IGF1R: variants seen among roughly 807,000 people sequenced by gnomAD.
The protein encoded by IGF1R is insulin-like growth factor 1 receptor.
A neutral mutation model predicts 144.6 loss-of-function variants in IGF1R; 44 were observed. That is an observed-to-expected ratio of 0.30 (90% CI 0.24 to 0.39). IGF1R has a LOEUF of 0.39. Among genes scored for constraint, IGF1R ranks in the 10% least tolerant of loss-of-function variants. The pLI is 1.00. For synonymous variants in IGF1R, 795 were observed against 722.8 expected, an observed-to-expected ratio of 1.10 and a Z score of -1.60; for missense variants, 1,355 against 1,833.7, an observed-to-expected ratio of 0.74 and a Z score of 4.77.
At chr15:98,678,454 G>A (rs1241325300) in intron 1 of IGF1R, among the ~76,000 whole-genome samples, 1 of 151,332 alleles carries the variant, frequency 6.6e-6, no homozygotes, top group East Asian at 1.9e-4. Flanking sequence ...TCCTTTGAAG[G>A]TTTGGAACAA....
chr15:98,920,478 A>T (rs908090144), intron 10 of IGF1R, among the ~76,000 whole-genome samples: 1 of 152,250 alleles, frequency 6.6e-6, no homozygotes, highest in Non-Finnish European at 1.5e-5. Flanking sequence ...CATCAAACCT[A>T]AGCAACTTCT....
chr15:98,818,729 G>T (rs2056746832), intron 2 of IGF1R, among the ~76,000 whole-genome samples: 1 of 151,932 alleles, frequency 6.6e-6, no homozygotes, highest in African/African-American at 2.4e-5. Flanking sequence ...CCTGCTAGAT[G>T]CCAGAAGCCC....
At chr15:98,919,630 T>TC (rs2015403876) in intron 10 of IGF1R, among the ~76,000 whole-genome samples, 1 of 152,228 alleles carries the variant, frequency 6.6e-6, no homozygotes, top group Non-Finnish European at 1.5e-5. Context: ...TGTTTATCTG[T>TC]CCCCCGAGTC....
chr15:98,649,238 C>T lies in IGF1R; in HGVS notation c.-344C>T, dbSNP rs1030932730. 1 of 218,574 alleles carries T rather than the reference C, an allele frequency of 4.6e-6. No individual in the cohort carries two copies. Among genetic ancestry groups the T allele is most frequent in the South Asian group, 1.8e-4 (1 of 5,436 alleles). The allele number at this position is 218,574 out of a possible 1,614,324, so 13.5% of individuals were successfully genotyped here. A position where few individuals can be genotyped will look rare whatever the true frequency, so the allele number is the denominator to read the frequency against. On this transcript the variant is annotated 5_prime_UTR_variant, in exon 1 of 21. Transcript: ENST00000650285. ...CCTAGGCAGATTTGGGCTTTGCCCC[C>T]TTTCTTTGCAGTTTTCCCCCCTTCC...
At chr15:98,930,763 T>C (rs2015909359) in intron 15 of IGF1R, among the ~76,000 whole-genome samples, 1 of 152,216 alleles carries the variant, frequency 6.6e-6, no homozygotes. Flanking sequence ...GGAATTTTTC[T>C]GTCATTCCCT....
In IGF1R at chr15:98,957,706, A is replaced by C; in HGVS notation, c.*264A>C. The C allele has an allele frequency of 1.8e-6, 1 of 554,752 alleles. No individual in the cohort carries two copies. Among genetic ancestry groups the C allele is most frequent in the Non-Finnish European group, 3.2e-6 (1 of 309,382 alleles). The allele number at this position is 554,752 out of a possible 1,614,324, so 34.4% of individuals were successfully genotyped here. ...TTAAGAACCTTAATGACAACACTTA[A>C]TAGCAACAGAGCACTTGAGAACCAG... On this transcript the variant is annotated 3_prime_UTR_variant, in exon 21 of 21. Transcript: ENST00000650285.
intron 2 of IGF1R, among the ~76,000 whole-genome samples, chr15:98,843,432 C>T (rs1052731486): frequency 2.0e-5 from 3 of 152,214 alleles, no homozygotes; most frequent in African/African-American, 7.2e-5. Flanking sequence ...GCCTTCTGGT[C>T]GTGTTTCTAC....
chr15:98,883,030 CTG>C (rs1175691543), intron 2 of IGF1R, among the ~76,000 whole-genome samples: 2 of 152,220 alleles, frequency 1.3e-5, no homozygotes, highest in Non-Finnish European at 2.9e-5. Flanking sequence ...GACAGACAAA[CTG>C]TGGTATCTTC....
chr15:98,675,826 C>CTTTTTTTTTTTTT (rs869068918), intron 1 of IGF1R, among the ~76,000 whole-genome samples: 10 of 46,150 alleles, frequency 2.2e-4, no homozygotes, highest in African/African-American at 3.8e-4. Flanking sequence ...TTCTTTCTTT[C>CTTTTTTTTTTTTT]TTTTTTTTTT....
At chr15:98,820,045 G>A (rs1045986538) in intron 2 of IGF1R, among the ~76,000 whole-genome samples, 5 of 152,110 alleles carry the variant, frequency 3.3e-5, no homozygotes, top group African/African-American at 7.2e-5. Flanking sequence ...GAATCCTTAC[G>A]CGTTCACAAA....
chr15:98,763,921 C>T (rs1046294012), intron 2 of IGF1R, among the ~76,000 whole-genome samples: 1 of 152,170 alleles, frequency 6.6e-6, no homozygotes, highest in South Asian at 2.1e-4. Context: ...TACTTTGCTT[C>T]TAGAGCTTTC....
chr15:98,734,861 C>G (rs912324163), intron 2 of IGF1R: 1 of 152,140 alleles, frequency 6.6e-6, no homozygotes, highest in African/African-American at 2.4e-5. Context: ...TTGGGTATTT[C>G]CCTTCTATGC....
intron 8 of IGF1R, among the ~76,000 whole-genome samples, chr15:98,913,941 G>A (rs894904611): frequency 6.6e-6 from 1 of 152,192 alleles, no homozygotes; most frequent in Non-Finnish European, 1.5e-5. Flanking sequence ...TAGTGTATTG[G>A]AGCTTCTATC....
At chr15:98,806,488 T>G (rs1015817591) in intron 2 of IGF1R, among the ~76,000 whole-genome samples, 1 of 144,278 alleles carries the variant, frequency 6.9e-6, no homozygotes, top group Non-Finnish European at 1.5e-5. Flanking sequence ...ATTTCTTGAT[T>G]AAAAAAAAAA....
chr15:98,653,080 CA>C (rs900814352), intron 1 of IGF1R, among the ~76,000 whole-genome samples: 1 of 151,896 alleles, frequency 6.6e-6, no homozygotes, highest in Non-Finnish European at 1.5e-5. Flanking sequence ...TGAGTTGCAG[CA>C]ATACAACAAA....
intron 19 of IGF1R, among the ~76,000 whole-genome samples, 169 bp from the exon 20 acceptor site, chr15:98,948,405 A>AG (rs1036169031): frequency 2.6e-5 from 4 of 152,330 alleles, no homozygotes; most frequent in African/African-American, 9.6e-5. Flanking sequence ...CAACAGAGGG[A>AG]GGATGATATC....
intron 8 of IGF1R, among the ~76,000 whole-genome samples, chr15:98,915,606 C>G (rs907875128): frequency 3.3e-5 from 5 of 152,200 alleles, no homozygotes; most frequent in Non-Finnish European, 5.9e-5. Flanking sequence ...CGGAGTGCAG[C>G]ACTGTGGAGA....
intron 2 of IGF1R, among the ~76,000 whole-genome samples, chr15:98,735,657 C>T (rs1187146643): frequency 6.6e-6 from 1 of 152,166 alleles, no homozygotes; most frequent in African/African-American, 2.4e-5. Flanking sequence ...GAAAGAGGGT[C>T]GCAAAATAGC....
intron 1 of IGF1R, among the ~76,000 whole-genome samples, chr15:98,677,279 A>G (rs983230563): frequency 4.6e-5 from 7 of 152,154 alleles, no homozygotes; most frequent in African/African-American, 1.4e-4. Flanking sequence ...GTGTGAGGAA[A>G]GCTCTGGTAT....
Sources: allele counts gnomAD v4.1 joint callset (sites outside exome capture counted in the v4.1 genomes callset), GRCh38; gene constraint gnomAD v4.1.1; transcripts MANE v1.5; gene names NCBI Gene and HGNC (gene_info 2026-07-23, HGNC 2026-07-21).